PRLR: variants seen among roughly 807,000 people sequenced by gnomAD.
PRLR encodes the protein prolactin receptor.
In PRLR, 13 loss-of-function variants were observed where a neutral mutation model predicts 40.2. The ratio of observed to expected loss-of-function variants is 0.32; its 90% CI spans 0.21 to 0.51. PRLR has a LOEUF of 0.51. Ranked by LOEUF, PRLR falls within the 20% of genes least tolerant of loss-of-function variation. PRLR has a pLI of 0.97. For missense variants in PRLR, 656 were observed against 747.3 expected, an observed-to-expected ratio of 0.88 and a Z score of 1.42; for synonymous variants, 269 against 278.7, an observed-to-expected ratio of 0.97 and a Z score of 0.35.
Position 35,113,173 on chromosome 5 carries a change from TCCATCCACCCAC to T in PRLR, c.-44+4876_-44+4887del, listed in dbSNP as rs1229535594. The stretch of plus-strand genomic sequence containing the variant: ...ATCCATCCATCTATCCATCCATCCC[TCCATCCACCCAC>T]CCATCTATCCATCCATCCATCCATT... On this transcript the variant is annotated intron_variant, in intron 2 of 9. Coordinates refer to ENST00000618457, the MANE Select transcript of PRLR (RefSeq NM_000949.7). Among the ~76,000 whole-genome samples the T allele has an allele frequency of 2.5e-5, 3 of 120,396 alleles. No individual in the cohort carries two copies. The East Asian group carries it at 8.0e-4, about 32-fold the overall frequency. 79.0% of individuals were successfully genotyped at this position (120,396 alleles called of 152,430 possible).
chr5:35,142,317 A>T (rs1312940725), intron 1 of PRLR, among the ~76,000 whole-genome samples: 1 of 152,192 alleles, frequency 6.6e-6, no homozygotes, highest in Non-Finnish European at 1.5e-5. Flanking sequence ...TGCCAAGCAT[A>T]TCCGGGATTT....
intron 2 of PRLR, among the ~76,000 whole-genome samples, chr5:35,112,522 G>T (rs576771103): frequency 3.3e-5 from 5 of 152,174 alleles, no homozygotes; most frequent in African/African-American, 1.2e-4. Context: ...GAGAAAGCAG[G>T]AGGATGTGGA....
intron 1 of PRLR, among the ~76,000 whole-genome samples, chr5:35,188,020 A>G (rs1191026658): frequency 6.6e-6 from 1 of 152,168 alleles, no homozygotes; most frequent in African/African-American, 2.4e-5. Flanking sequence ...TTCCCTTGGC[A>G]GCTCAATTTA....
chr5:35,111,607 A>G (rs1343908931), intron 2 of PRLR, among the ~76,000 whole-genome samples: 1 of 152,206 alleles, frequency 6.6e-6, no homozygotes, highest in Non-Finnish European at 1.5e-5. Flanking sequence ...TATTTATAAA[A>G]ACAGAATCAT....
intron 5 of PRLR, among the ~76,000 whole-genome samples, chr5:35,079,201 T>C (rs1345143101): frequency 1.3e-5 from 2 of 152,204 alleles, no homozygotes; most frequent in Non-Finnish European, 2.9e-5. Flanking sequence ...TTGGAAGTTC[T>C]GGCCAGGGCA....
At chr5:35,114,598 G>C (rs2111680737) in intron 2 of PRLR, among the ~76,000 whole-genome samples, 1 of 152,280 alleles carries the variant, frequency 6.6e-6, no homozygotes, top group Middle Eastern at 3.4e-3. Context: ...GAAACTCATT[G>C]CTCTAAGTGG....
At chr5:35,109,532 C>A (rs762987932) in intron 2 of PRLR, among the ~76,000 whole-genome samples, 1 of 152,138 alleles carries the variant, frequency 6.6e-6, no homozygotes, top group Non-Finnish European at 1.5e-5. Context: ...AAAAATCAAA[C>A]AACCCCATCA....
In PRLR at chr5:35,058,486, T is replaced by G. The variant is rs1261878936; in HGVS notation, c.*6603A>C. On this transcript the variant is annotated 3_prime_UTR_variant, in exon 10 of 10. Transcript: ENST00000618457. ...GCCGAGAGGCTGACTTTCAAACAAC[T>G]GTTGGATTGTACTTTAAATGTGTAA... is the stretch of plus-strand genomic sequence containing the variant. The G allele has an allele frequency of 6.6e-6, 1 of 152,250 alleles. No homozygotes were observed. Among genetic ancestry groups the G allele is most frequent in the Non-Finnish European group, 1.5e-5 (1 of 68,044 alleles). 9.4% of individuals were successfully genotyped at this position (152,250 alleles called of 1,614,324 possible).
At chr5:35,091,385 T>G (rs1771203120) in intron 2 of PRLR, among the ~76,000 whole-genome samples, 1 of 152,328 alleles carries the variant, frequency 6.6e-6, no homozygotes, top group Non-Finnish European at 1.5e-5. Context: ...GGGCAGGCAC[T>G]GGGGAAAGTT....
At chr5:35,132,539 G>T (rs1274811407) in intron 1 of PRLR, among the ~76,000 whole-genome samples, 1 of 152,036 alleles carries the variant, frequency 6.6e-6, no homozygotes, top group African/African-American at 2.4e-5. Context: ...TAATTTCTTG[G>T]TATCAAATAT....
At chr5:35,174,759 T>A (rs1775098209) in intron 1 of PRLR, among the ~76,000 whole-genome samples, 1 of 152,136 alleles carries the variant, frequency 6.6e-6, no homozygotes, top group Non-Finnish European at 1.5e-5. Flanking sequence ...ACTTTACCCT[T>A]GTGAACTCTT....
In PRLR at chr5:35,057,244, G is replaced by A. The variant is rs2112336493; in HGVS notation, c.*7845C>T. On this transcript the variant is annotated 3_prime_UTR_variant, in exon 10 of 10. Transcript: ENST00000618457. ...GGGAAATTTTGTCTTGCAATCATAG[G>A]AAGGGTGGACATAAAGGGGAAGAAT... 1 of 152,234 alleles carries A rather than the reference G, an allele frequency of 6.6e-6. No individual in the cohort carries two copies. Among genetic ancestry groups the A allele is most frequent in the South Asian group, 2.1e-4 (1 of 4,822 alleles). The allele number at this position is 152,234 out of a possible 1,614,324, so 9.4% of individuals were successfully genotyped here.
At chr5:35,086,368 A>G (rs762286614) in intron 3 of PRLR, 28 bp from the exon 4 acceptor site, 1 of 1,611,166 alleles carries the variant, frequency 6.2e-7, no homozygotes, top group South Asian at 1.1e-5. Flanking sequence ...CCACTGCATC[A>G]ATATTGAGGT....
intron 1 of PRLR, among the ~76,000 whole-genome samples, chr5:35,138,388 A>G (rs2111810497): frequency 6.6e-6 from 1 of 152,376 alleles, no homozygotes; most frequent in East Asian, 1.9e-4. Context: ...AAATGTCATC[A>G]TGGTAAAACC....
intron 1 of PRLR, among the ~76,000 whole-genome samples, chr5:35,182,613 C>G (rs1403089202): frequency 3.9e-5 from 6 of 152,160 alleles, no homozygotes; most frequent in Non-Finnish European, 8.8e-5. Flanking sequence ...AAACATTTTG[C>G]TCAACAGCAG....
At chr5:35,195,485 G>A (rs770310717) in intron 1 of PRLR, 3 of 152,316 alleles carry the variant, frequency 2.0e-5, no homozygotes, top group Non-Finnish European at 2.9e-5. Context: ...AATCACAGAT[G>A]AGAAAGATTG....
rs529879055 is a variant in PRLR at position 35,059,359 on chromosome 5, A to T, written c.*5730T>A. On this transcript the variant is annotated 3_prime_UTR_variant, in exon 10 of 10. Transcript: ENST00000618457. ...CTTTACATGTCTCAGTACTTTCTAA[A>T]TTGAAATCAGAGCATTAAATCAAGG... 6.6e-6 allele frequency: 1 copy of T among 152,276 alleles called. No homozygotes were observed. Among genetic ancestry groups the T allele is most frequent in the South Asian group, 2.1e-4 (1 of 4,824 alleles). The allele number at this position is 152,276 out of a possible 1,614,324, so 9.4% of individuals were successfully genotyped here.
chr5:35,051,161 GGGACACAT>G (rs1768485547), downstream of PRLR, among the ~76,000 whole-genome samples: 1 of 152,208 alleles, frequency 6.6e-6, no homozygotes, highest in African/African-American at 2.4e-5. Context: ...GAGAAAGCTA[GGGACACAT>G]GGATTACCTT....
chr5:35,187,567 A>G (rs2111997308), intron 1 of PRLR, among the ~76,000 whole-genome samples: 1 of 152,274 alleles, frequency 6.6e-6, no homozygotes, highest in African/African-American at 2.4e-5. Context: ...GGCTGGGTGC[A>G]AGCCCCTGAC....
Sources: gnomAD v4.1 joint callset for allele counts (sites outside exome capture counted in the v4.1 genomes callset) on GRCh38, gnomAD v4.1.1 for gene constraint, MANE v1.5 for transcripts, NCBI Gene and HGNC (gene_info 2026-07-23, HGNC 2026-07-21) for gene names.